KCNMB2: variants seen among roughly 807,000 people sequenced by gnomAD.
The protein encoded by KCNMB2 is potassium calcium-activated channel subfamily M regulatory beta subunit 2.
Under a neutral mutation model 24.5 loss-of-function variants are expected in KCNMB2, and 9 were observed. The ratio of observed to expected loss-of-function variants is 0.37; its 90% confidence interval spans 0.22 to 0.64. KCNMB2 has a LOEUF of 0.64. Ranked by LOEUF, KCNMB2 falls within the 30% of genes least tolerant of loss-of-function variation. The pLI is 0.63. For synonymous variants in KCNMB2, 109 were observed against 104.4 expected, an observed-to-expected ratio of 1.04 and a Z score of -0.27; for missense variants, 226 against 284.3, an observed-to-expected ratio of 0.79 and a Z score of 1.47.
In KCNMB2 at chr3:178,644,190, C is replaced by T. The variant is rs560314166; in HGVS notation, c.-68+107479C>T. 2.6e-5 allele frequency among the ~76,000 whole-genome samples: 4 copies of T among 152,298 alleles called. No individual in the cohort carries two copies. The East Asian group carries it at 5.8e-4, about 22-fold the overall frequency. On this transcript the variant is annotated intron_variant, in intron 1 of 4. Transcript: ENST00000452583. ...AGGGAAGGTTCCCAAGAAGGTGGTG[C>T]TTGACTGGGACTTCAAGATACAGGA...
chr3:178,582,602 G>A (rs922351524), intron 1 of KCNMB2, among the ~76,000 whole-genome samples: 1 of 152,156 alleles, frequency 6.6e-6, no homozygotes, highest in African/African-American at 2.4e-5. Context: ...GGGTTGTCTA[G>A]TTTTACAAAT....
chr3:178,724,929 G>A (rs908846687), intron 1 of KCNMB2, among the ~76,000 whole-genome samples: 1 of 152,004 alleles, frequency 6.6e-6, no homozygotes, highest in Non-Finnish European at 1.5e-5. Flanking sequence ...TTCGAAGTTG[G>A]GTAATCTGAT....
chr3:178,795,834 A>T (rs1296362936), intron 1 of KCNMB2, among the ~76,000 whole-genome samples: 1 of 152,200 alleles, frequency 6.6e-6, no homozygotes, highest in Non-Finnish European at 1.5e-5. Flanking sequence ...ATAAAAATAG[A>T]TTATGTGTGT....
chr3:178,773,129 C>T lies in KCNMB2; in HGVS notation c.-67-34214C>T, dbSNP rs1039619920. Among the ~76,000 whole-genome samples, 10 of 152,216 alleles carry T rather than the reference C, an allele frequency of 6.6e-5. 1 individual carries two copies. The highest frequency in any genetic ancestry group is 2.2e-4 in the African/African-American group (9 of 41,534). On this transcript the variant is annotated intron_variant, in intron 1 of 4. Coordinates refer to ENST00000452583, the MANE Select transcript of KCNMB2 (RefSeq NM_181361.3). ...TCTGGGGTCCCTGGCAGGCTGTTCC[C>T]GGATCACACAGTCACGGCAACTCTT...
At chr3:178,635,408 TACACACACACACACACAC>T (rs58294929) in intron 1 of KCNMB2, among the ~76,000 whole-genome samples, 6 of 144,878 alleles carry the variant, frequency 4.1e-5, no homozygotes, top group Admixed American at 2.8e-4. Flanking sequence ...TGCTTATGCA[TACACACACACACACACAC>T]ACACACACAC....
chr3:178,668,154 G>A (rs1041595855), intron 1 of KCNMB2, among the ~76,000 whole-genome samples: 1 of 152,102 alleles, frequency 6.6e-6, no homozygotes, highest in African/African-American at 2.4e-5. Context: ...CTGAGCCACT[G>A]CTCTGCGGCA....
At chr3:178,591,435 A>T (rs1383639211) in intron 1 of KCNMB2, among the ~76,000 whole-genome samples, 3 of 152,156 alleles carry the variant, frequency 2.0e-5, no homozygotes, top group Non-Finnish European at 4.4e-5. Context: ...ATAAACGAGG[A>T]ACTCATGGTT....
chr3:178,614,247 TTATATATATATATATA>T lies in KCNMB2; in HGVS notation c.-68+77570_-68+77585del, dbSNP rs776751246. On this transcript the variant is annotated intron_variant, in intron 1 of 4. Coordinates refer to ENST00000452583, the MANE Select transcript of KCNMB2 (RefSeq NM_181361.3). ...AGACATACCTAAGACTGGGCTAATT[TTATATATATATATATA>T]TATATATATATATATATATATATAT... Among the ~76,000 whole-genome samples, 360 of 53,444 alleles carry T rather than the reference TTATATATATATATATA, an allele frequency of 6.7e-3. 6 individuals are homozygous for T. Among genetic ancestry groups the T allele is most frequent in the South Asian group, 0.01 (15 of 1,454 alleles). 35.1% of individuals were successfully genotyped at this position (53,444 alleles called of 152,430 possible). A position where few individuals can be genotyped will look rare whatever the true frequency, so the allele number is the denominator to read the frequency against.
chr3:178,773,599 C>G (rs558314742), intron 1 of KCNMB2, among the ~76,000 whole-genome samples: 97 of 152,220 alleles, frequency 6.4e-4, no homozygotes, highest in African/African-American at 2.2e-3. Flanking sequence ...TGTTCACTAC[C>G]TCTTCCTCCC....
intron 1 of KCNMB2, among the ~76,000 whole-genome samples, chr3:178,741,092 GAATT>G (rs1299622393): frequency 1.3e-5 from 2 of 152,324 alleles, no homozygotes; most frequent in East Asian, 1.9e-4. Context: ...AACATTTGTT[GAATT>G]AATAAATGAA....
intron 1 of KCNMB2, among the ~76,000 whole-genome samples, chr3:178,697,796 TGTG>T (rs1721936318): frequency 6.6e-6 from 1 of 152,182 alleles, no homozygotes; most frequent in Non-Finnish European, 1.5e-5. Context: ...AGGCAGGTCT[TGTG>T]GTAACAAATT....
intron 1 of KCNMB2, among the ~76,000 whole-genome samples, chr3:178,781,610 T>C (rs1195315828): frequency 6.6e-6 from 1 of 150,578 alleles, no homozygotes; most frequent in Non-Finnish European, 1.5e-5. Flanking sequence ...AATAATAATA[T>C]ATATATACAC....
chr3:178,740,212 G>A (rs527752901), intron 1 of KCNMB2, among the ~76,000 whole-genome samples: 7 of 151,802 alleles, frequency 4.6e-5, no homozygotes, highest in Admixed American at 2.0e-4. Flanking sequence ...TCTGCCTCCT[G>A]GGTTCACACC....
chr3:178,729,062 C>A (rs767548091), intron 1 of KCNMB2, among the ~76,000 whole-genome samples: 4 of 151,860 alleles, frequency 2.6e-5, no homozygotes, highest in Non-Finnish European at 5.9e-5. Context: ...GGAAGTTACC[C>A]GTGTGATACC....
intron 1 of KCNMB2, chr3:178,748,176 C>T (rs956389929): frequency 6.6e-6 from 1 of 152,192 alleles, no homozygotes. Context: ...GGAACCATCA[C>T]TCAAAGTGAC....
In KCNMB2 at chr3:178,546,168, G is replaced by T. The variant is rs535969476; in HGVS notation, c.-68+9457G>T. On this transcript the variant is annotated intron_variant, in intron 1 of 4. Coordinates refer to ENST00000452583, the MANE Select transcript of KCNMB2 (RefSeq NM_181361.3). ...ACCCAAATATGAGAAAATTTTTGTAGATATAGAAAATATAACAATAGAACT... is the reference window on the plus strand; with the variant it reads ...ACCCAAATATGAGAAAATTTTTGTATATATAGAAAATATAACAATAGAACT... Among the ~76,000 whole-genome samples the T allele has an allele frequency of 2.0e-5, 3 of 152,306 alleles. No homozygotes were observed. In the East Asian group the frequency reaches 5.8e-4, roughly 29 times the overall value.
chr3:178,629,946 G>C (rs952548210), intron 1 of KCNMB2, among the ~76,000 whole-genome samples: 1 of 152,200 alleles, frequency 6.6e-6, no homozygotes, highest in Non-Finnish European at 1.5e-5. Context: ...GATCTGGTAA[G>C]ATGAGATCAT....
intron 1 of KCNMB2, among the ~76,000 whole-genome samples, chr3:178,750,343 T>A (rs1035943573): frequency 6.6e-6 from 1 of 151,930 alleles, no homozygotes; most frequent in Admixed American, 6.6e-5. Context: ...AATTATGAAG[T>A]CATTTCATGA....
chr3:178,746,403 C>A (rs1723669556), intron 1 of KCNMB2, among the ~76,000 whole-genome samples: 2 of 152,072 alleles, frequency 1.3e-5, no homozygotes, highest in Admixed American at 1.3e-4. Flanking sequence ...GCCCAGTCCA[C>A]TAAACCATAT....
Sources: gnomAD v4.1 joint callset for allele counts (sites outside exome capture counted in the v4.1 genomes callset) on GRCh38, gnomAD v4.1.1 for gene constraint, MANE v1.5 for transcripts, NCBI Gene and HGNC (gene_info 2026-07-23, HGNC 2026-07-21) for gene names.